UBE3A: variants seen among roughly 807,000 people sequenced by gnomAD.
UBE3A encodes the protein ubiquitin-protein ligase E3A.
Under a neutral mutation model 83.4 loss-of-function variants are expected in UBE3A, and 6 were observed. The observed-to-expected ratio is 0.07, with a 90% CI of 0.04 to 0.14. The LOEUF (loss-of-function observed/expected upper bound fraction) is 0.14, where lower values mean the gene tolerates loss of function less well. Ranked by LOEUF, UBE3A falls within the 10% of genes least tolerant of loss-of-function variation. UBE3A has a pLI of 1.00. For synonymous variants in UBE3A, 337 were observed against 355.4 expected, an observed-to-expected ratio of 0.95 and a Z score of 0.58; for missense variants, 456 against 1,036.1, an observed-to-expected ratio of 0.44 and a Z score of 7.69.
intron 6 of UBE3A, among the ~76,000 whole-genome samples, chr15:25,364,516 G>T (rs1187789299): frequency 6.6e-6 from 1 of 152,004 alleles, no homozygotes; most frequent in Non-Finnish European, 1.5e-5. Flanking sequence ...TAAGTCAGAA[G>T]TTGTTTTAAA....
chr15:25,402,244 C>A (rs7167529), intron 4 of UBE3A, among the ~76,000 whole-genome samples: 49,631 of 152,024 alleles, frequency 0.33, 9,537 homozygotes, highest in African/African-American at 0.54. Flanking sequence ...CTGAGTCTAC[C>A]GGGGCTGGCC....
intron 1 of UBE3A, among the ~76,000 whole-genome samples, chr15:25,432,152 T>A (rs950436924): frequency 6.6e-6 from 1 of 152,118 alleles, no homozygotes; most frequent in Non-Finnish European, 1.5e-5. Flanking sequence ...ATAAAGAACA[T>A]GAGTTTAACA....
In UBE3A at chr15:25,402,576, G is replaced by A. The variant is rs537538789; in HGVS notation, c.62+2885C>T. ...TGGGGTGGGCCTCCAAGCTTGGTTTGTGGGTATTGGCCTGAAGTTTGGGGC... is the reference window on the plus strand; with the variant it reads ...TGGGGTGGGCCTCCAAGCTTGGTTTATGGGTATTGGCCTGAAGTTTGGGGC... On this transcript the variant is annotated intron_variant, in intron 4 of 12. Coordinates refer to ENST00000648336, the MANE Select transcript of UBE3A (RefSeq NM_130839.5). 2.6e-5 allele frequency among the ~76,000 whole-genome samples: 4 copies of A among 152,274 alleles called. No individual in the cohort carries two copies. In the South Asian group the frequency reaches 8.3e-4, roughly 32 times the overall value.
At chr15:25,412,403 T>C (rs1219674219) in intron 1 of UBE3A, among the ~76,000 whole-genome samples, 1 of 152,236 alleles carries the variant, frequency 6.6e-6, no homozygotes, top group Non-Finnish European at 1.5e-5. Context: ...AGTAGCAGCC[T>C]TGGGCCGACC....
At chr15:25,404,432 C>G (rs1433093887) in intron 4 of UBE3A, among the ~76,000 whole-genome samples, 1 of 151,970 alleles carries the variant, frequency 6.6e-6, no homozygotes, top group African/African-American at 2.4e-5. Flanking sequence ...CCCTTAATAC[C>G]TCGAAAAACT....
At chr15:25,426,030 AT>A (rs35534759) in intron 1 of UBE3A, among the ~76,000 whole-genome samples, 118,149 of 151,746 alleles carry the variant, frequency 0.78, 47,730 homozygotes, top group East Asian at 1. Context: ...GTTCTTTGAA[AT>A]TTTTTTTTTA....
At chr15:25,396,307 T>C (rs2085554000) in intron 4 of UBE3A, among the ~76,000 whole-genome samples, 1 of 151,564 alleles carries the variant, frequency 6.6e-6, no homozygotes, top group Non-Finnish European at 1.5e-5. Context: ...TATTTATAAA[T>C]TTAAACAAAA....
intron 8 of UBE3A, 131 bp from the exon 9 acceptor site, chr15:25,356,187 T>TC (rs2077188253): frequency 9.1e-7 from 1 of 1,094,536 alleles, no homozygotes; most frequent in Non-Finnish European, 1.4e-6. Context: ...ACAGTATCCC[T>TC]CCAGTCCCCC....
chr15:25,436,675 G>C (rs144494833), intron 1 of UBE3A, among the ~76,000 whole-genome samples: 2 of 152,238 alleles, frequency 1.3e-5, no homozygotes, highest in East Asian at 3.9e-4. Flanking sequence ...CTGTTAAATG[G>C]ACTGCACAAG....
In UBE3A at chr15:25,356,544, C is replaced by T. The variant is rs561828232; in HGVS notation, c.1959+147G>A. 6.0e-5 allele frequency: 48 copies of T among 795,922 alleles called. 1 individual carries two copies. The African/African-American group carries it at 6.5e-4, about 11-fold the overall frequency. The allele number at this position is 795,922 out of a possible 1,614,324, so 49.3% of individuals were successfully genotyped here. ...TTTGAGTTTTTAAGTGTTTCTGGTA[C>T]TTCGGTCAGATTAAAACATTTTTAT... On this transcript the variant is annotated intron_variant, in intron 8 of 12. Transcript: ENST00000648336.
chr15:25,395,975 C>T (rs1184032506), intron 4 of UBE3A, among the ~76,000 whole-genome samples: 1 of 152,106 alleles, frequency 6.6e-6, no homozygotes, highest in African/African-American at 2.4e-5. Flanking sequence ...AAGGCCGAGG[C>T]AGGCAGATCA....
Position 25,339,003 on chromosome 15 carries a change from G to A in UBE3A, c.*134C>T. On this transcript the variant is annotated 3_prime_UTR_variant, in exon 13 of 13. Coordinates refer to ENST00000648336, the MANE Select transcript of UBE3A (RefSeq NM_130839.5). Reference sequence around the variant, plus strand: ...ACAGACATAGGTGACTACTGTGGTTGACTATCTTACAGCCTTTTTGTACTG... The same window carrying A: ...ACAGACATAGGTGACTACTGTGGTTAACTATCTTACAGCCTTTTTGTACTG... 2 of 1,025,094 alleles carry A rather than the reference G, an allele frequency of 2.0e-6. No homozygotes were observed. Among genetic ancestry groups the A allele is most frequent in the Non-Finnish European group, 2.7e-6 (2 of 751,444 alleles). The allele number at this position is 1,025,094 out of a possible 1,614,324, so 63.5% of individuals were successfully genotyped here.
intron 4 of UBE3A, among the ~76,000 whole-genome samples, chr15:25,386,755 T>C (rs1259737189): frequency 6.6e-6 from 1 of 150,762 alleles, no homozygotes; most frequent in Non-Finnish European, 1.5e-5. Context: ...AAAGAAAAAA[T>C]ACATGTGACT....
At chr15:25,360,581 A>G in intron 6 of UBE3A, 54 bp from the exon 7 acceptor site, 1 of 1,583,824 alleles carries the variant, frequency 6.3e-7, no homozygotes, top group Non-Finnish European at 8.6e-7. Flanking sequence ...TATCAGGAAA[A>G]AAACAAAATA....
intron 6 of UBE3A, among the ~76,000 whole-genome samples, chr15:25,368,518 A>G (rs1415603331): frequency 1.3e-5 from 2 of 152,094 alleles, no homozygotes; most frequent in Admixed American, 1.3e-4. Context: ...ACAGTTTATT[A>G]AACTGCCTAA....
chr15:25,351,142 G>C (rs1211342170), intron 11 of UBE3A, among the ~76,000 whole-genome samples: 3 of 152,132 alleles, frequency 2.0e-5, no homozygotes, highest in Non-Finnish European at 4.4e-5. Flanking sequence ...TTGAAAATTA[G>C]TAAGTAATGG....
In UBE3A at chr15:25,337,600, C is replaced by G. The variant is rs1595342959; in HGVS notation, c.*1537G>C. The G allele has an allele frequency of 6.6e-6, 1 of 151,984 alleles. No individual in the cohort carries two copies. 9.4% of individuals were successfully genotyped at this position (151,984 alleles called of 1,614,324 possible). On this transcript the variant is annotated 3_prime_UTR_variant, in exon 13 of 13. Transcript: ENST00000648336. ...CCTGAAAGACATCCTTTTTCTCCCC[C>G]CAATGATTTGAAAGCTGCATTTTTC...
chr15:25,359,099 C>T (rs1186377605), intron 7 of UBE3A, among the ~76,000 whole-genome samples: 1 of 152,130 alleles, frequency 6.6e-6, no homozygotes, highest in East Asian at 1.9e-4. Context: ...CCATAACCTC[C>T]TGGTAAAATA....
At chr15:25,381,125 A>G (rs1465429167) in intron 4 of UBE3A, among the ~76,000 whole-genome samples, 1 of 152,228 alleles carries the variant, frequency 6.6e-6, no homozygotes, top group Non-Finnish European at 1.5e-5. Flanking sequence ...AAGGATGGTT[A>G]TACGATAAAG....
Sources: allele counts gnomAD v4.1 joint callset (sites outside exome capture counted in the v4.1 genomes callset), GRCh38; gene constraint gnomAD v4.1.1; transcripts MANE v1.5; gene names NCBI Gene and HGNC (gene_info 2026-07-23, HGNC 2026-07-21).